PCDHA4: variants seen among roughly 807,000 people sequenced by gnomAD.
PCDHA4 encodes protocadherin alpha 4, also known as protocadherin alpha-4.
Under a neutral mutation model 61.4 loss-of-function variants are expected in PCDHA4, and 49 were observed. That is an observed-to-expected ratio of 0.80 (90% CI 0.63 to 1.01). The LOEUF is 1.01. Among genes scored for constraint, PCDHA4 ranks in the 50% least tolerant of loss-of-function variants. The pLI, the probability that PCDHA4 is intolerant of heterozygous loss-of-function variation, is 0.00. For missense variants in PCDHA4, 1,254 were observed against 1,235.8 expected, an observed-to-expected ratio of 1.01 and a Z score of -0.22; for synonymous variants, 590 against 550.3, an observed-to-expected ratio of 1.07 and a Z score of -1.01.
chr5:140,940,841 C>T (rs246072), intron 1 of PCDHA4, among the ~76,000 whole-genome samples: 86,358 of 151,986 alleles, frequency 0.57, 25,200 homozygotes, highest in African/African-American at 0.71. Context: ...CCTTTCTTCA[C>T]GATAGATTTT....
intron 1 of PCDHA4, among the ~76,000 whole-genome samples, chr5:140,922,707 A>T (rs1282909188): frequency 4.6e-5 from 7 of 152,240 alleles, no homozygotes; most frequent in African/African-American, 1.4e-4. Context: ...TACAGTCAAG[A>T]ACAAAAAGAA....
chr5:140,883,290 T>C, intron 1 of PCDHA4: 1 of 1,614,060 alleles, frequency 6.2e-7, no homozygotes, highest in South Asian at 1.1e-5. Context: ...GTGGAAGTAC[T>C]AGATGTAAAT....
At chr5:140,894,317 A>G (rs2064424513) in intron 1 of PCDHA4, among the ~76,000 whole-genome samples, 1 of 152,034 alleles carries the variant, frequency 6.6e-6, no homozygotes, top group Non-Finnish European at 1.5e-5. Flanking sequence ...TTCTTAAATT[A>G]TAGATTTTAG....
intron 1 of PCDHA4, chr5:140,835,997 C>T (rs2150249894): frequency 6.2e-7 from 1 of 1,613,306 alleles, no homozygotes; most frequent in Non-Finnish European, 8.5e-7. Flanking sequence ...TGAGCGCGCG[C>T]GATGCGGGCG....
intron 1 of PCDHA4, among the ~76,000 whole-genome samples, chr5:140,900,090 A>G (rs1370301453): frequency 6.6e-6 from 1 of 152,152 alleles, no homozygotes; most frequent in Non-Finnish European, 1.5e-5. Context: ...AGTTACAAGC[A>G]TGCGCCACCA....
intron 1 of PCDHA4, chr5:140,927,595 C>A (rs2084392576): frequency 1.2e-6 from 2 of 1,614,038 alleles, no homozygotes; most frequent in South Asian, 2.2e-5. Context: ...TGTATTTGAG[C>A]GCTCCGTATA....
At chr5:140,840,330 G>A (rs1554137772) in intron 1 of PCDHA4, among the ~76,000 whole-genome samples, 1 of 151,878 alleles carries the variant, frequency 6.6e-6, no homozygotes, top group African/African-American at 2.4e-5. Flanking sequence ...TCATTTTCTA[G>A]GCAATGTTAG....
intron 1 of PCDHA4, among the ~76,000 whole-genome samples, chr5:140,896,219 T>A (rs1212681477): frequency 1.3e-5 from 2 of 152,252 alleles, no homozygotes; most frequent in African/African-American, 2.4e-5. Flanking sequence ...TACATGTGTC[T>A]TTATAGTAGA....
chr5:140,870,521 T>A (rs782364094), intron 1 of PCDHA4: 2 of 1,614,078 alleles, frequency 1.2e-6, no homozygotes, highest in Non-Finnish European at 8.5e-7. Flanking sequence ...GGCTGCCACA[T>A]CTTCACAGTG....
In PCDHA4 at chr5:141,006,360, C is replaced by T. The variant is rs898915080; in HGVS notation, c.2534-3267C>T. ...CTGAGTAGCTGGGACTATAGGCGCC[C>T]ACCACCACGCCCGGCTAAGTTTTTT... On this transcript the variant is annotated intron_variant, in intron 3 of 3. Coordinates refer to ENST00000530339, the MANE Select transcript of PCDHA4 (RefSeq NM_018907.4). Among the ~76,000 whole-genome samples, 9 of 151,982 alleles carry T rather than the reference C, an allele frequency of 5.9e-5. 1 individual carries two copies. The highest frequency in any genetic ancestry group is 1.2e-4 in the Non-Finnish European group (8 of 67,998).
intron 1 of PCDHA4, chr5:140,829,550 A>G: frequency 1.2e-6 from 2 of 1,612,876 alleles, no homozygotes; most frequent in African/African-American, 1.3e-5. Flanking sequence ...CGCGCAGGAG[A>G]ACGCGCTGGT....
In PCDHA4 at chr5:140,966,984, G is replaced by A. The variant is rs1217682338; in HGVS notation, c.2386-11965G>A. 4.4e-6 allele frequency: 7 copies of A among 1,603,802 alleles called. No individual in the cohort carries two copies. In the Admixed American group the frequency reaches 5.0e-5, roughly 11 times the overall value. Reference sequence around the variant, plus strand: ...CTGGGGCTTGAGCTGCGGCGCTTGGGGCCGGGTTGCTTGCGCATCAACCAT... The same window carrying A: ...CTGGGGCTTGAGCTGCGGCGCTTGGAGCCGGGTTGCTTGCGCATCAACCAT... On this transcript the variant is annotated intron_variant, in intron 1 of 3. Transcript: ENST00000530339.
intron 1 of PCDHA4, among the ~76,000 whole-genome samples, chr5:140,939,948 A>C (rs2153644220): frequency 6.6e-6 from 1 of 152,296 alleles, no homozygotes; most frequent in Admixed American, 6.5e-5. Context: ...TACTGAGAAA[A>C]TTATGTTAAA....
chr5:140,823,628 G>C (rs1434058728), intron 1 of PCDHA4: 10 of 1,613,936 alleles, frequency 6.2e-6, no homozygotes, highest in Non-Finnish European at 8.5e-6. Flanking sequence ...GGCAGTGCGC[G>C]CATCCCGTTC....
chr5:140,808,884 T>C lies in PCDHA4; in HGVS notation c.1697T>C (p.Leu566Pro). 1.9e-6 allele frequency: 3 copies of C among 1,613,368 alleles called. No homozygotes were observed. Among genetic ancestry groups the C allele is most frequent in the Non-Finnish European group, 2.5e-6 (3 of 1,179,870 alleles). ...LDENDNAPAL[L>P]APRAGGTGGA... ...GAAAACGACAACGCGCCAGCACTGC[T>C]AGCGCCTCGGGCGGGTGGCACTGGT... is the stretch of plus-strand genomic sequence containing the variant. Residue 566 changes from leucine (L) to proline (P), a missense_variant, in exon 1 of 4, where the codon CTA (leucine) becomes CCA (proline). Transcript: ENST00000530339.
chr5:140,967,156 G>T, intron 1 of PCDHA4: 1 of 1,610,540 alleles, frequency 6.2e-7, no homozygotes, highest in Non-Finnish European at 8.5e-7. Context: ...ACCCCGTGGC[G>T]GTGAGCGCCG....
intron 1 of PCDHA4, chr5:140,836,195 C>T (rs1554135720): frequency 3.7e-6 from 6 of 1,613,858 alleles, no homozygotes; most frequent in African/African-American, 1.3e-5. Flanking sequence ...CAGGCTACAA[C>T]GCGTGGCTTT....
At position 140,848,955 on chromosome 5, in the gene PCDHA4, C is replaced by T. The variant is rs2150426444; in HGVS notation, c.2385+39383C>T. On this transcript the variant is annotated intron_variant, in intron 1 of 3. Coordinates refer to ENST00000530339, the MANE Select transcript of PCDHA4 (RefSeq NM_018907.4). ...CAGGCCGCTTGACTCTCGGTTTCCA[C>T]TAGAGGGCGCGTCCGATGCAGATAT... 9.1e-5 allele frequency: 146 copies of T among 1,606,852 alleles called. 6 individuals are homozygous for T. Among genetic ancestry groups the T allele is most frequent in the Middle Eastern group, 1.7e-4 (1 of 6,060 alleles).
At chr5:140,873,770 C>T (rs1316613523) in intron 1 of PCDHA4, among the ~76,000 whole-genome samples, 1 of 151,400 alleles carries the variant, frequency 6.6e-6, no homozygotes, top group Non-Finnish European at 1.5e-5. Context: ...AAGCAATTCT[C>T]CTGCCTCAGC....
Sources: allele counts gnomAD v4.1 joint callset (sites outside exome capture counted in the v4.1 genomes callset), GRCh38; gene constraint gnomAD v4.1.1; transcripts MANE v1.5; gene names NCBI Gene and HGNC (gene_info 2026-07-23, HGNC 2026-07-21).